The following DMD variants were observed in gnomAD, a reference collection of about 807,000 sequenced individuals.
DMD encodes the protein dystrophin, also known as mutant dystrophin.
Under a neutral mutation model 330.1 loss-of-function variants are expected in DMD, and 63 were observed. The ratio of observed to expected loss-of-function variants is 0.19; its 90% CI spans 0.16 to 0.24. DMD has a LOEUF of 0.24. DMD is among the 10% of genes least tolerant of loss of function. DMD has a pLI of 1.00. For synonymous variants in DMD, 1,223 were observed against 959.8 expected (o/e 1.27, Z -5.07); for missense variants, 3,344 against 2,684.1 (o/e 1.25, Z -5.43).
intron 52 of DMD, among the ~76,000 whole-genome samples, chrX:31,721,146 G>A (rs1252064469): frequency 9.0e-6 from 1 of 110,755 alleles, no homozygotes; most frequent in Non-Finnish European, 1.9e-5. Flanking sequence ...TTATTAACTA[G>A]GTACTACTAA....
rs34805586 is a variant in DMD, at chrX:31,141,201, AAAC to A, written c.10921+5087_10921+5089del. On this transcript the variant is annotated intron_variant, in intron 76 of 78. Coordinates refer to ENST00000357033, the MANE Select transcript of DMD (RefSeq NM_004006.3). ...AGCGAGACTCCGTCTCACACAAAAG[AAAC>A]AACAACAACAACAACAACAACAACA... Among the ~76,000 whole-genome samples the A allele has an allele frequency of 8.8e-3, 930 of 105,880 alleles. 1 individual carries two copies. Among genetic ancestry groups the A allele is most frequent in the African/African-American group, 0.021 (571 of 26,749 alleles). The allele number at this position is 105,880 out of a possible 115,157, so 91.9% of individuals were successfully genotyped here.
At chrX:32,725,168 T>C (rs1450700677) in intron 7 of DMD, among the ~76,000 whole-genome samples, 2 of 111,309 alleles carry the variant, frequency 1.8e-5, no homozygotes, top group African/African-American at 6.5e-5. Context: ...CGTACCAGCA[T>C]TTCTGGTAAA....
At chrX:32,601,154 T>C (rs2056163879) in intron 12 of DMD, among the ~76,000 whole-genome samples, 1 of 111,440 alleles carries the variant, frequency 9.0e-6, no homozygotes, top group Admixed American at 9.6e-5. Flanking sequence ...GAAAGGACTT[T>C]CGATTTTATT....
At chrX:31,810,478 G>C (rs1188199324) in intron 50 of DMD, among the ~76,000 whole-genome samples, 1 of 112,170 alleles carries the variant, frequency 8.9e-6, no homozygotes, top group Non-Finnish European at 1.9e-5. Flanking sequence ...ACTTAGGTTA[G>C]GTAGTTGAAA....
At chrX:32,132,623 T>C (rs2096701817) in intron 44 of DMD, among the ~76,000 whole-genome samples, 1 of 111,498 alleles carries the variant, frequency 9.0e-6, no homozygotes, top group Admixed American at 9.5e-5. Context: ...CAACATCTTT[T>C]TTCATCCTAC....
At chrX:32,793,079 A>G (rs1371103141) in intron 7 of DMD, among the ~76,000 whole-genome samples, 1 of 112,168 alleles carries the variant, frequency 8.9e-6, no homozygotes, top group East Asian at 2.8e-4. Context: ...ACAAATTTAT[A>G]AAAAATCAAA....
chrX:31,429,226 C>T lies in DMD; in HGVS notation c.9084+15255G>A, dbSNP rs762706322. On this transcript the variant is annotated intron_variant, in intron 60 of 78. Transcript: ENST00000357033. ...AGATGTTCCTTTTGCTATATATCAC[C>T]CTAGAACTTACTGGCTAAAAATAAC... Among the ~76,000 whole-genome samples, 9 of 111,760 alleles carry T rather than the reference C, an allele frequency of 8.1e-5. No individual in the cohort carries two copies. The South Asian group carries it at 3.4e-3, about 42-fold the overall frequency.
chrX:31,723,069 G>A (rs374258558), intron 52 of DMD, among the ~76,000 whole-genome samples: 2 of 106,258 alleles, frequency 1.9e-5, no homozygotes, highest in African/African-American at 6.9e-5. Flanking sequence ...ATTATTCAGT[G>A]TGTGTCTAAA....
At chrX:32,897,777 G>C (rs1213335736) in intron 2 of DMD, among the ~76,000 whole-genome samples, 1 of 111,660 alleles carries the variant, frequency 9.0e-6, no homozygotes, top group Non-Finnish European at 1.9e-5. Context: ...TGACTGTTAA[G>C]AAGCCTTAGT....
chrX:31,881,279 G>A (rs1286859264), intron 47 of DMD, among the ~76,000 whole-genome samples: 1 of 109,894 alleles, frequency 9.1e-6, no homozygotes. Flanking sequence ...TGGGCCAGGC[G>A]CGGTGGCTCA....
chrX:32,913,986 C>A (rs972148084), intron 2 of DMD, among the ~76,000 whole-genome samples: 14 of 111,615 alleles, frequency 1.3e-4, no homozygotes, highest in Non-Finnish European at 2.4e-4. Flanking sequence ...ACTTCCCCTG[C>A]CTCCCACTTG....
chrX:32,252,605 T>C (rs367628343), intron 43 of DMD, among the ~76,000 whole-genome samples: 9 of 66,689 alleles, frequency 1.3e-4, no homozygotes, highest in Admixed American at 2.3e-4. Context: ...TATATAAACA[T>C]ATATAAATAA....
intron 44 of DMD, among the ~76,000 whole-genome samples, chrX:32,053,185 T>G (rs754996620): frequency 1.9e-4 from 21 of 111,668 alleles, no homozygotes; most frequent in Admixed American, 3.8e-4. Flanking sequence ...TGGGACATAG[T>G]GGTCAATGAA....
At chrX:31,273,556 G>GA (rs35142658) in intron 62 of DMD, among the ~76,000 whole-genome samples, 16 of 112,086 alleles carry the variant, frequency 1.4e-4, no homozygotes, top group Non-Finnish European at 2.6e-4. Context: ...TTGAGATTTG[G>GA]AAAAAAGTAA....
intron 11 of DMD, among the ~76,000 whole-genome samples, chrX:32,638,288 C>T (rs1316694540): frequency 9.0e-6 from 1 of 111,450 alleles, no homozygotes; most frequent in Non-Finnish European, 1.9e-5. Context: ...ATATCAGCAC[C>T]ATTTTTAGAG....
At chrX:31,539,313 T>G (rs1207350972) in intron 55 of DMD, among the ~76,000 whole-genome samples, 1 of 112,194 alleles carries the variant, frequency 8.9e-6, no homozygotes, top group Non-Finnish European at 1.9e-5. Flanking sequence ...CAATGCAACT[T>G]GCTCTTAACA....
chrX:31,332,376 G>C (rs2057176237), intron 61 of DMD, among the ~76,000 whole-genome samples: 1 of 112,044 alleles, frequency 8.9e-6, no homozygotes, highest in African/African-American at 3.2e-5. Context: ...TTATATTCTT[G>C]TATAGTAGTT....
intron 1 of DMD, among the ~76,000 whole-genome samples, chrX:33,075,049 G>A (rs1289927812): frequency 8.9e-6 from 1 of 111,987 alleles, no homozygotes; most frequent in East Asian, 2.8e-4. Context: ...ATACAGGATT[G>A]CCAGCCATTA....
At chrX:31,872,787 T>C (rs756592670) in intron 48 of DMD, among the ~76,000 whole-genome samples, 33 of 111,498 alleles carry the variant, frequency 3.0e-4, no homozygotes, top group Non-Finnish European at 5.6e-4. Context: ...TATTGTGTAT[T>C]GGGCCAAGTA....
Sources: allele counts gnomAD v4.1 joint callset (sites outside exome capture counted in the v4.1 genomes callset), GRCh38; gene constraint gnomAD v4.1.1; transcripts MANE v1.5; gene names NCBI Gene and HGNC (gene_info 2026-07-23, HGNC 2026-07-21).